Variants in RBM47 observed in about 807,000 individuals in gnomAD.
RBM47 encodes RNA-binding protein 47.
In RBM47, 21 loss-of-function variants were observed where a neutral mutation model predicts 47.1. That is an observed-to-expected ratio of 0.45 (90% CI 0.32 to 0.64). The LOEUF (loss-of-function observed/expected upper bound fraction) is 0.64. Among genes scored for constraint, RBM47 ranks in the 30% least tolerant of loss-of-function variants. RBM47 has a pLI of 0.05. For synonymous variants in RBM47, 375 were observed against 361.7 expected (o/e 1.04, Z -0.42); for missense variants, 708 against 870.9 (o/e 0.81, Z 2.35).
chr4:40,477,203 C>T (rs987324085), intron 2 of RBM47, among the ~76,000 whole-genome samples: 9 of 152,098 alleles, frequency 5.9e-5, no homozygotes, highest in African/African-American at 1.7e-4. Context: ...CAAACAAAAA[C>T]GGCCAGAATG....
At chr4:40,503,183 A>C (rs1466245588) in intron 2 of RBM47, among the ~76,000 whole-genome samples, 1 of 148,942 alleles carries the variant, frequency 6.7e-6, no homozygotes, top group Non-Finnish European at 1.5e-5. Flanking sequence ...CTGAGAAGAA[A>C]GAAAAACTGT....
chr4:40,521,406 G>T (rs1333704924), intron 2 of RBM47, among the ~76,000 whole-genome samples: 1 of 152,094 alleles, frequency 6.6e-6, no homozygotes, highest in Non-Finnish European at 1.5e-5. Flanking sequence ...TCACCATGTT[G>T]GCCAGGCTGG....
At chr4:40,599,718 T>A (rs1159756894) in intron 1 of RBM47, among the ~76,000 whole-genome samples, 4 of 145,368 alleles carry the variant, frequency 2.8e-5, no homozygotes, top group Non-Finnish European at 6.0e-5. Flanking sequence ...AGCCTTCAGA[T>A]GAGAATACAG....
chr4:40,565,610 C>T (rs918506818), intron 1 of RBM47, among the ~76,000 whole-genome samples: 3 of 152,182 alleles, frequency 2.0e-5, no homozygotes, highest in East Asian at 1.9e-4. Flanking sequence ...AATCTTATTC[C>T]GTGACAATCC....
In RBM47 at chr4:40,437,707, G is replaced by A. The variant is rs1577624818; in HGVS notation, c.1123+64C>T. On this transcript the variant is annotated intron_variant, in intron 4 of 6. Coordinates refer to ENST00000295971, the MANE Select transcript of RBM47 (RefSeq NM_001098634.2). Reference sequence around the variant, plus strand: ...AGCAAATGCCAGCCACGGTATCCCTGGTGCCCCCTGCCTAGGAGGCAACGT... The same window carrying A: ...AGCAAATGCCAGCCACGGTATCCCTAGTGCCCCCTGCCTAGGAGGCAACGT... 2.1e-6 allele frequency: 3 copies of A among 1,461,878 alleles called. No homozygotes were observed. In the East Asian group the frequency reaches 6.9e-5, roughly 34 times the overall value. 90.6% of individuals were successfully genotyped at this position (1,461,878 alleles called of 1,614,324 possible).
At position 40,518,805 on chromosome 4, in the gene RBM47, TA is replaced by T. The variant is rs61383968; in HGVS notation, c.-155+25616del. ...GATACTAATGATAGCTTATGAGCTT[TA>T]AAAAAAAAAAAATCCCAAAGGAAGC... On this transcript the variant is annotated intron_variant, in intron 2 of 6. Transcript: ENST00000295971. Among the ~76,000 whole-genome samples the T allele has an allele frequency of 5.4e-3, 780 of 145,206 alleles. 3 individuals are homozygous for T. The highest frequency in any genetic ancestry group is 0.011 in the African/African-American group (440 of 39,922).
At chr4:40,444,137 T>A (rs1577646113) in intron 3 of RBM47, among the ~76,000 whole-genome samples, 1 of 152,274 alleles carries the variant, frequency 6.6e-6, no homozygotes, top group East Asian at 1.9e-4. Flanking sequence ...AAGTTGAGGC[T>A]GCAGTGAGCT....
chr4:40,604,343 G>A (rs1394596923), intron 1 of RBM47, among the ~76,000 whole-genome samples: 1 of 152,178 alleles, frequency 6.6e-6, no homozygotes, highest in Admixed American at 6.5e-5. Flanking sequence ...AAGCATGATG[G>A]GCTGGGTGTG....
At position 40,481,831 on chromosome 4, in the gene RBM47, C is replaced by T. The variant is rs58327817; in HGVS notation, c.-154-15132G>A. Among the ~76,000 whole-genome samples the T allele has an allele frequency of 6.1e-3, 925 of 152,218 alleles. 13 individuals are homozygous for T. In the East Asian group the frequency reaches 0.068, roughly 11 times the overall value. On this transcript the variant is annotated intron_variant, in intron 2 of 6. Transcript: ENST00000295971. ...TCTTCCAAAGTGTTGGGATTACAGG[C>T]GTGAGCCTCCGCATCCAGCCTTTTT... is the stretch of plus-strand genomic sequence containing the variant.
chr4:40,491,475 A>C (rs574287384), intron 2 of RBM47, among the ~76,000 whole-genome samples: 2 of 152,302 alleles, frequency 1.3e-5, no homozygotes, highest in African/African-American at 4.8e-5. Flanking sequence ...TAAAAGAAAA[A>C]ATAATGAAAT....
chr4:40,572,028 G>GAA (rs58162475), intron 1 of RBM47, among the ~76,000 whole-genome samples: 16 of 118,076 alleles, frequency 1.4e-4, no homozygotes, highest in South Asian at 2.8e-4. Context: ...ATCTCAAAAA[G>GAA]AAAAAAAAAA....
chr4:40,459,195 G>A (rs959332389), intron 3 of RBM47, among the ~76,000 whole-genome samples: 2 of 152,162 alleles, frequency 1.3e-5, no homozygotes, highest in African/African-American at 4.8e-5. Context: ...AGCTACACTT[G>A]AAGCATCTCA....
intron 1 of RBM47, among the ~76,000 whole-genome samples, chr4:40,593,859 G>A (rs1325880663): frequency 1.3e-5 from 2 of 149,434 alleles, no homozygotes; most frequent in Non-Finnish European, 3.0e-5. Context: ...ACTCCAGCCT[G>A]GGTGACCAAG....
intron 1 of RBM47, among the ~76,000 whole-genome samples, chr4:40,581,906 T>C (rs1484669880): frequency 6.6e-6 from 1 of 151,952 alleles, no homozygotes; most frequent in African/African-American, 2.4e-5. Flanking sequence ...CGCCTCAAGC[T>C]CACCATATCC....
intron 1 of RBM47, among the ~76,000 whole-genome samples, chr4:40,596,315 A>G (rs543893710): frequency 3.3e-5 from 5 of 152,356 alleles, no homozygotes; most frequent in African/African-American, 1.2e-4. Flanking sequence ...CTCCTGAGGC[A>G]AGAGAAAAAG....
At chr4:40,600,503 G>A (rs529575100) in intron 1 of RBM47, among the ~76,000 whole-genome samples, 86 of 151,234 alleles carry the variant, frequency 5.7e-4, no homozygotes, top group Non-Finnish European at 6.9e-4. Flanking sequence ...GTGTGGTGGC[G>A]GGCGCCTGTA....
chr4:40,567,926 G>C (rs1731248459), intron 1 of RBM47, among the ~76,000 whole-genome samples: 1 of 151,940 alleles, frequency 6.6e-6, no homozygotes, highest in African/African-American at 2.4e-5. Flanking sequence ...ACTGACCTCT[G>C]TTATGATCTC....
chr4:40,537,815 T>A (rs1449174478), intron 2 of RBM47, among the ~76,000 whole-genome samples: 1 of 151,946 alleles, frequency 6.6e-6, no homozygotes, highest in Non-Finnish European at 1.5e-5. Flanking sequence ...GCGCAATTAC[T>A]CTGACAAGTC....
intron 4 of RBM47, 61 bp downstream of exon 4, chr4:40,437,710 G>A (rs1712876850): frequency 2.0e-6 from 3 of 1,469,582 alleles, no homozygotes; most frequent in Non-Finnish European, 2.8e-6. Context: ...TATCCCTGGT[G>A]CCCCCTGCCT....
Sources: gnomAD v4.1 joint callset for allele counts (sites outside exome capture counted in the v4.1 genomes callset) on GRCh38, gnomAD v4.1.1 for gene constraint, MANE v1.5 for transcripts, NCBI Gene and HGNC (gene_info 2026-07-23, HGNC 2026-07-21) for gene names.